ZNF862: variants seen among roughly 807,000 people sequenced by gnomAD.
ZNF862 encodes the protein zinc finger protein 862.
In ZNF862, 64 loss-of-function variants were observed where a neutral mutation model predicts 91.1. The observed-to-expected ratio is 0.70, with a 90% CI of 0.57 to 0.87. ZNF862 has a LOEUF of 0.87. ZNF862 is among the 40% of genes least tolerant of loss of function. The probability of loss-of-function intolerance (pLI) is 0.00; values close to 1 mark genes in which losing one functional copy is unlikely to be tolerated. For synonymous variants in ZNF862, 631 were observed against 618.1 expected, an observed-to-expected ratio of 1.02 and a Z score of -0.31; for missense variants, 1,459 against 1,528.0, an observed-to-expected ratio of 0.95 and a Z score of 0.75.
chr7:149,857,558 C>T (rs188951104), intron 5 of ZNF862, among the ~76,000 whole-genome samples: 37 of 152,218 alleles, frequency 2.4e-4, no homozygotes, highest in African/African-American at 8.4e-4. Context: ...TTTGGTTTCT[C>T]TCTTTCATGT....
Position 149,861,749 on chromosome 7 carries a change from G to A in ZNF862, c.2589G>A (p.Val863=). ...CCGAGGTGTGCCAGAAGGAGATCGT[G>A]CTGATTACAGAGGTGAACGCCACGC... The part of the protein sequence containing the change: ...PLSEVCQKEI[V]LITEVNATLG... The change falls in exon 7 of 8, where the codon GTG becomes GTA. Residue 863 remains valine (V), a synonymous_variant. Coordinates refer to ENST00000223210, the MANE Select transcript of ZNF862 (RefSeq NM_001099220.3). The surrounding 1 kb of genome is among the most constrained non-coding windows in gnomAD (Gnocchi z 6.7). 1 of 1,613,640 alleles carries A rather than the reference G, an allele frequency of 6.2e-7. No individual in the cohort carries two copies. Among genetic ancestry groups the A allele is most frequent in the African/African-American group, 1.3e-5 (1 of 75,066 alleles).
At chr7:149,843,512 T>A (rs902878650) in intron 1 of ZNF862, among the ~76,000 whole-genome samples, 1 of 152,198 alleles carries the variant, frequency 6.6e-6, no homozygotes, top group African/African-American at 2.4e-5. Flanking sequence ...TAGTTTTTTT[T>A]AAGTTTTTTT....
rs922650737 is a variant in ZNF862, at chr7:149,861,286, T to C, written c.2126T>C (p.Val709Ala). 1.9e-6 allele frequency: 3 copies of C among 1,612,418 alleles called. No homozygotes were observed. The highest frequency in any genetic ancestry group is 2.7e-5 in the African/African-American group (2 of 74,920). Residue 709 changes from valine to alanine, a missense_variant, in exon 7 of 8, where the codon GTG becomes GCG. Coordinates refer to ENST00000223210, the MANE Select transcript of ZNF862 (RefSeq NM_001099220.3). The surrounding 1 kb of genome is among the most constrained non-coding windows in gnomAD (Gnocchi z 6.7). ...SAMLSCRGGL[V>A]EKFQEVIPQL... ...ATGTTGAGCTGCAGAGGAGGCCTTG[T>C]GGAAAAGTTCCAGGAGGTCATCCCG...
At chr7:149,843,877 C>T (rs552481797) in intron 1 of ZNF862, among the ~76,000 whole-genome samples, 3 of 152,178 alleles carry the variant, frequency 2.0e-5, no homozygotes, top group South Asian at 4.1e-4. Flanking sequence ...GGTGGTTCTC[C>T]GCTTTGCCCG....
Position 149,862,149 on chromosome 7 carries a change from A to C in ZNF862, c.2989A>C (p.Lys997Gln). 2 of 1,613,312 alleles carry C rather than the reference A, an allele frequency of 1.2e-6. No individual in the cohort carries two copies. Among genetic ancestry groups the C allele is most frequent in the Non-Finnish European group, 1.7e-6 (2 of 1,179,850 alleles). ...EALLEEWLGL[K>Q]TIAQHLPFSM... ...TCTGCTGGAGGAGTGGCTGGGCCTG[A>C]AAACCATTGCCCAGCACCTCCCGTT... The change falls in exon 7 of 8, where the codon AAA becomes CAA. Residue 997 changes from lysine to glutamine, a missense_variant. By Grantham distance (53) the Lys-to-Gln change is moderately conservative. Transcript: ENST00000223210.
At position 149,846,217 on chromosome 7, in the gene ZNF862, G is replaced by A. The variant is rs1401597978; in HGVS notation, c.203G>A (p.Ser68Asn). Residue 68 changes from serine to asparagine, a missense_variant, in exon 3 of 8, where the codon AGC (serine) becomes AAC (asparagine). Coordinates refer to ENST00000223210, the MANE Select transcript of ZNF862 (RefSeq NM_001099220.3). ...FGRGPEPWLG[S>N]VQGQRSLLEH... ...CGAGGGCCAGAGCCATGGCTTGGCAGCGTCCAGGGCCAGAGGAGCCTTCTG... is the reference window on the plus strand; with the variant it reads ...CGAGGGCCAGAGCCATGGCTTGGCAACGTCCAGGGCCAGAGGAGCCTTCTG... 3 of 1,613,600 alleles carry A rather than the reference G, an allele frequency of 1.9e-6. No individual in the cohort carries two copies. Among genetic ancestry groups the A allele is most frequent in the Non-Finnish European group, 2.5e-6 (3 of 1,179,832 alleles).
At chr7:149,840,706 T>C (rs1053268188) in intron 1 of ZNF862, among the ~76,000 whole-genome samples, 2 of 152,054 alleles carry the variant, frequency 1.3e-5, no homozygotes, top group African/African-American at 4.8e-5. Context: ...ATACTTACCA[T>C]GTGTTACAGT....
intron 3 of ZNF862, 131 bp from the exon 4 acceptor site, chr7:149,847,604 T>C (rs957148006): frequency 5.1e-6 from 2 of 393,922 alleles, no homozygotes; most frequent in Non-Finnish European, 8.9e-6. Flanking sequence ...TGTGTGTGTG[T>C]GTGTGTGTGT....
Position 149,848,290 on chromosome 7 carries a change from A to G in ZNF862, c.797A>G (p.Glu266Gly). 10 of 1,610,446 alleles carry G rather than the reference A, an allele frequency of 6.2e-6. No individual in the cohort carries two copies. The highest frequency in any genetic ancestry group is 8.5e-6 in the Non-Finnish European group (10 of 1,178,214). ...ELLPSSRAEL[E>G]DPGGDGAIPA... ...CTGCCAAGTTCAAGAGCTGAACTAG[A>G]GGACCCTGGGGGGGATGGAGCAATT... The change falls in exon 4 of 8, where the codon GAG becomes GGG. Residue 266 changes from glutamate (E) to glycine (G), a missense_variant. By Grantham distance (98) the Glu-to-Gly change is moderately conservative (BLOSUM62 -2). Coordinates refer to ENST00000223210, the MANE Select transcript of ZNF862 (RefSeq NM_001099220.3).
rs747623480 is a variant in ZNF862 at position 149,860,971 on chromosome 7, A to C, written c.1811A>C (p.Lys604Thr). ...RNRTACTQFI[K>T]YISETLKREI... ...CGCACGGCGTGCACTCAGTTCATCA[A>C]GTACATCTCAGAGACCCTGAAGAGG... Residue 604 changes from lysine to threonine, a missense_variant, in exon 7 of 8, where the codon AAG becomes ACG. Transcript: ENST00000223210. 1 of 1,613,580 alleles carries C rather than the reference A, an allele frequency of 6.2e-7. No homozygotes were observed. The highest frequency in any genetic ancestry group is 2.2e-5 in the East Asian group (1 of 44,870).
intron 4 of ZNF862, among the ~76,000 whole-genome samples, chr7:149,849,541 A>G (rs1801991175): frequency 6.6e-6 from 1 of 152,254 alleles, no homozygotes; most frequent in South Asian, 2.1e-4. Flanking sequence ...TCTGGTGAGA[A>G]TAGCTCGGAG....
chr7:149,842,203 C>T (rs779361569), intron 1 of ZNF862, among the ~76,000 whole-genome samples: 2 of 152,104 alleles, frequency 1.3e-5, no homozygotes, highest in Non-Finnish European at 2.9e-5. Flanking sequence ...GATCTAAAGA[C>T]TGGGAATGTA....
chr7:149,860,232 A>T, intron 6 of ZNF862, 151 bp from the exon 7 acceptor site: 1 of 699,652 alleles, frequency 1.4e-6, no homozygotes, highest in Non-Finnish European at 2.3e-6. Flanking sequence ...GTGAGGGTTT[A>T]AGTGGACGCC....
rs763447043 is a variant in ZNF862, at chr7:149,859,508, G to A, written c.1204G>A (p.Gly402Arg). The A allele has an allele frequency of 3.8e-6, 6 of 1,578,410 alleles. No individual in the cohort carries two copies. The highest frequency in any genetic ancestry group is 1.8e-5 in the Admixed American group (1 of 54,738). Residue 402 changes from glycine to arginine, a missense_variant, in exon 6 of 8, where the codon GGG becomes AGG. By Grantham distance (125) the Gly-to-Arg change is moderately radical. Transcript: ENST00000223210. The stretch of plus-strand genomic sequence containing the variant: ...CAAGGACCCAAATGGGCCAAAGTGG[G>A]GGAAAGGTCGTCCTCCAGGTGAGTG... ...WIKDPNGPKW[G>R]KGRPPGNKKM...
At chr7:149,854,681 T>C (rs775003230) in intron 5 of ZNF862, among the ~76,000 whole-genome samples, 12 of 152,350 alleles carry the variant, frequency 7.9e-5, no homozygotes, top group Non-Finnish European at 1.0e-4. Context: ...AGCTCACTTA[T>C]GCTGTTGCCA....
At chr7:149,863,322 C>T (rs949406716) in intron 7 of ZNF862, among the ~76,000 whole-genome samples, 29 of 143,454 alleles carry the variant, frequency 2.0e-4, no homozygotes, top group Middle Eastern at 3.5e-3. Flanking sequence ...GGCCTCCTTC[C>T]GGCTGTTGCT....
At position 149,859,426 on chromosome 7, in the gene ZNF862, T is replaced by G. The variant is rs1186285813; in HGVS notation, c.1122T>G (p.Pro374=). 3 of 1,574,342 alleles carry G rather than the reference T, an allele frequency of 1.9e-6. No individual in the cohort carries two copies. In the East Asian group the frequency reaches 7.0e-5, roughly 37 times the overall value. The change falls in exon 6 of 8, where the codon CCT becomes CCG. Residue 374 remains proline (P), a synonymous_variant. Coordinates refer to ENST00000223210, the MANE Select transcript of ZNF862 (RefSeq NM_001099220.3). Reference sequence around the variant, plus strand: ...GATTCTTCATCCTTACAACAGGACCTGCCGCTGCCAAGCCAGACTTGATCT... The same window carrying G: ...GATTCTTCATCCTTACAACAGGACCGGCCGCTGCCAAGCCAGACTTGATCT... ...MNYELLASLG[P]AAAKPDLISK...
At position 149,861,021 on chromosome 7, in the gene ZNF862, T is replaced by C; in HGVS notation, c.1861T>C (p.Ser621Pro). The change falls in exon 7 of 8, where the codon TCG (serine) becomes CCG (proline). Residue 621 changes from serine (S) to proline (P), a missense_variant. Ser to Pro is a moderately conservative substitution (Grantham distance 74). Coordinates refer to ENST00000223210, the MANE Select transcript of ZNF862 (RefSeq NM_001099220.3). This position sits in a 1 kb window ranked among gnomAD's most constrained non-coding sequence, Gnocchi z 6.7. Reference protein sequence around the residue: ...KREILEDVRNSPCVSVLLDSS... With the variant: ...KREILEDVRNPPCVSVLLDSS... ...GGAGATCCTGGAGGACGTGCGGAAC[T>C]CGCCCTGTGTGAGCGTGCTGCTGGA... The C allele has an allele frequency of 1.2e-6, 2 of 1,613,076 alleles. No homozygotes were observed. The highest frequency in any genetic ancestry group is 1.1e-5 in the South Asian group (1 of 90,978).
At position 149,861,282 on chromosome 7, in the gene ZNF862, C is replaced by A; in HGVS notation, c.2122C>A (p.Leu708Ile). 1 of 1,612,544 alleles carries A rather than the reference C, an allele frequency of 6.2e-7. No individual in the cohort carries two copies. Among genetic ancestry groups the A allele is most frequent in the South Asian group, 1.1e-5 (1 of 91,030 alleles). The change falls in exon 7 of 8, where the codon CTT (leucine) becomes ATT (isoleucine). Residue 708 changes from leucine to isoleucine, a missense_variant. Physicochemically the swap from Leu to Ile is conservative, Grantham distance 5. Coordinates refer to ENST00000223210, the MANE Select transcript of ZNF862 (RefSeq NM_001099220.3). The surrounding 1 kb of genome is among the most constrained non-coding windows in gnomAD (Gnocchi z 6.7). ...AGCCATGTTGAGCTGCAGAGGAGGC[C>A]TTGTGGAAAAGTTCCAGGAGGTCAT... ...GSAMLSCRGG[L>I]VEKFQEVIPQ...
Sources: gnomAD v4.1 joint callset for allele counts (sites outside exome capture counted in the v4.1 genomes callset) on GRCh38, gnomAD v4.1.1 for gene constraint, Gnocchi (gnomAD v3.1) non-coding constraint, MANE v1.5 for transcripts, NCBI Gene and HGNC (gene_info 2026-07-23, HGNC 2026-07-21) for gene names.